RTL9: variants seen among roughly 807,000 people sequenced by gnomAD.
RTL9 encodes retrotransposon Gag-like protein 9.
A neutral mutation model predicts 44.7 loss-of-function variants in RTL9; 19 were observed. The ratio of observed to expected loss-of-function variants is 0.42; its 90% CI spans 0.30 to 0.62. The LOEUF is 0.62. Ranked by LOEUF, RTL9 falls within the 20% of genes least tolerant of loss-of-function variation. The pLI is 0.16. For missense variants in RTL9, 1,105 were observed against 1,080.6 expected, an observed-to-expected ratio of 1.02 and a Z score of -0.32; for synonymous variants, 407 against 398.9, an observed-to-expected ratio of 1.02 and a Z score of -0.24.
chrX:110,409,854 ATTGAAC>A (rs1397096964), intron 1 of RTL9, among the ~76,000 whole-genome samples: 1 of 111,274 alleles, frequency 9.0e-6, no homozygotes, highest in Non-Finnish European at 1.9e-5. Flanking sequence ...AGAGGGAGGT[ATTGAAC>A]CACCTGTTGT....
upstream of RTL9, among the ~76,000 whole-genome samples, chrX:110,446,161 C>A (rs1390528203): frequency 9.0e-6 from 1 of 111,083 alleles, no homozygotes; most frequent in Non-Finnish European, 1.9e-5. Flanking sequence ...GGAGACACAC[C>A]CAACTGTGAA....
intron 1 of RTL9, among the ~76,000 whole-genome samples, chrX:110,428,941 C>T (rs746868250): frequency 3.4e-4 from 38 of 112,367 alleles, no homozygotes; most frequent in Non-Finnish European, 5.4e-4. Context: ...TCTGCCCCTA[C>T]GTGTATCCAG....
At chrX:110,385,114 G>T (rs2068446017) in intron 1 of RTL9, among the ~76,000 whole-genome samples, 2 of 111,136 alleles carry the variant, frequency 1.8e-5, no homozygotes, top group African/African-American at 6.5e-5. Flanking sequence ...GCCTGAATTT[G>T]AATCCCAGCT....
intron 1 of RTL9, among the ~76,000 whole-genome samples, chrX:110,442,880 A>G (rs751173023): frequency 8.9e-6 from 1 of 112,063 alleles, no homozygotes; most frequent in Non-Finnish European, 1.9e-5. Flanking sequence ...AGGCTGGCAA[A>G]CAGCCTATGA....
chrX:110,403,144 C>G (rs1028901801), intron 1 of RTL9, among the ~76,000 whole-genome samples: 3 of 111,348 alleles, frequency 2.7e-5, no homozygotes, highest in Non-Finnish European at 5.7e-5. Context: ...TTTCCCTGCC[C>G]CTGTTCTTCA....
exon 1 of RTL9, chrX:110,454,068 C>T (rs758508078): frequency 8.3e-7 from 1 of 1,212,088 alleles, no homozygotes; most frequent in East Asian, 3.0e-5. Flanking sequence ...ACTCTGCTAC[C>T]TCTTAGAAGA....
chrX:110,401,955 G>A (rs1209063920), intron 1 of RTL9, among the ~76,000 whole-genome samples: 7 of 111,697 alleles, frequency 6.3e-5, no homozygotes, highest in African/African-American at 1.3e-4. Context: ...GTCTCTCTTC[G>A]CTTCCTTGTT....
chrX:110,366,989 T>C (rs184688741), intron 1 of RTL9, among the ~76,000 whole-genome samples: 2 of 111,849 alleles, frequency 1.8e-5, no homozygotes, highest in Admixed American at 9.5e-5. Flanking sequence ...ACTGAGAAAA[T>C]AGAAGTTGTC....
intron 1 of RTL9, among the ~76,000 whole-genome samples, chrX:110,395,197 C>A (rs1401849954): frequency 1.8e-5 from 2 of 112,119 alleles, no homozygotes; most frequent in Non-Finnish European, 3.8e-5. Context: ...TCCGAGGGTG[C>A]CCCCACACCA....
chrX:110,447,239 A>G (rs1210384467), upstream of RTL9, among the ~76,000 whole-genome samples: 1 of 104,637 alleles, frequency 9.6e-6, no homozygotes, highest in Non-Finnish European at 1.9e-5. Flanking sequence ...ATGTCAATTC[A>G]TCTCATGGAG....
At chrX:110,398,928 T>G (rs1304807497) in intron 1 of RTL9, among the ~76,000 whole-genome samples, 1 of 112,396 alleles carries the variant, frequency 8.9e-6, no homozygotes, top group Non-Finnish European at 1.9e-5. Context: ...TCTAAATCTA[T>G]GTTTTTGCTC....
At chrX:110,454,076 A>G in exon 1 of RTL9, 1 of 1,212,078 alleles carries the variant, frequency 8.3e-7, no homozygotes, top group Non-Finnish European at 1.1e-6. Flanking sequence ...ACCTCTTAGA[A>G]GAGCAGGAAG....
chrX:110,415,780 A>AT (rs1042553238), upstream of RTL9, among the ~76,000 whole-genome samples: 1 of 111,405 alleles, frequency 9.0e-6, no homozygotes, highest in Non-Finnish European at 1.9e-5. Context: ...CATTCCTTCA[A>AT]TTTTGTCCTG....
intron 1 of RTL9, among the ~76,000 whole-genome samples, chrX:110,423,212 C>T (rs1306163735): frequency 2.7e-5 from 3 of 110,651 alleles, no homozygotes; most frequent in African/African-American, 9.9e-5. Flanking sequence ...CCTGTAATCC[C>T]AGCTACTCGG....
chrX:110,393,403 A>C (rs1485945325), intron 1 of RTL9, among the ~76,000 whole-genome samples: 2 of 112,059 alleles, frequency 1.8e-5, no homozygotes, highest in Admixed American at 9.5e-5. Context: ...TGATCCTCAC[A>C]ACAGCCCTAC....
At position 110,394,624 on chromosome X, in the gene RTL9, C is replaced by T. The variant is rs181260792; in HGVS notation, c.-168+35708C>T. Among the ~76,000 whole-genome samples, 159 of 112,720 alleles carry T rather than the reference C, an allele frequency of 1.4e-3. 1 individual carries two copies. Among genetic ancestry groups the T allele is most frequent in the Non-Finnish European group, 2.8e-4 (15 of 53,358 alleles). ...CCAGTTCCCAAGAACCTGTCAAGGA[C>T]GTTCAGTGAGGACTTACTGTACTCA... On this transcript the variant is annotated intron_variant, in intron 1 of 2. Coordinates refer to the RTL9 transcript ENST00000520821.
chrX:110,423,330 AAAAAAAAAAAAG>A (rs1417868887), intron 1 of RTL9, among the ~76,000 whole-genome samples: 1 of 105,948 alleles, frequency 9.4e-6, no homozygotes, highest in Non-Finnish European at 1.9e-5. Context: ...CTCGGTCTCA[AAAAAAAAAAAAG>A]AAAAAGAAAA....
rs1407663652 is a variant in RTL9, at chrX:110,452,815, T to C, written c.2198T>C (p.Met733Thr). Residue 733 changes from methionine (M) to threonine (T), a missense_variant, in exon 1 of 2, where the codon ATG becomes ACG. Transcript: ENST00000540313. ...ACCCAAGATCCTGGAGGGATGTCCA[T>C]GTCGCCCATGAAGTCCATGACCGCT... 21 of 1,209,983 alleles carry C rather than the reference T, an allele frequency of 1.7e-5. No individual in the cohort carries two copies. The highest frequency in any genetic ancestry group is 5.9e-5 in the East Asian group (2 of 33,762).
At chrX:110,373,508 A>C (rs1251334396) in intron 1 of RTL9, among the ~76,000 whole-genome samples, 2 of 112,114 alleles carry the variant, frequency 1.8e-5, no homozygotes, top group African/African-American at 3.2e-5. Flanking sequence ...TCTAACAGAA[A>C]ACAGTTCCTG....
Sources: gnomAD v4.1 joint callset for allele counts (sites outside exome capture counted in the v4.1 genomes callset) on GRCh38, gnomAD v4.1.1 for gene constraint, MANE v1.5 for transcripts, NCBI Gene and HGNC (gene_info 2026-07-23, HGNC 2026-07-21) for gene names.